Variants in COX7B2 observed in about 807,000 individuals in gnomAD.
The protein encoded by COX7B2 is cytochrome c oxidase subunit 7B2.
For synonymous variants in COX7B2, 37 were observed against 32.1 expected (o/e 1.15, Z -0.51); for missense variants, 109 against 95.9 (o/e 1.14, Z -0.57).
At chr4:46,791,863 A>T (rs1202095831) in intron 2 of COX7B2, among the ~76,000 whole-genome samples, 2 of 152,040 alleles carry the variant, frequency 1.3e-5, no homozygotes, top group Non-Finnish European at 2.9e-5. Flanking sequence ...GCACCCAATG[A>T]TGCTTACTGG....
intron 2 of COX7B2, among the ~76,000 whole-genome samples, chr4:46,754,724 G>GTATATATATATA (rs776374967): frequency 1.5e-4 from 7 of 46,806 alleles, no homozygotes; most frequent in Non-Finnish European, 2.2e-4. Context: ...GTGTGTGTGT[G>GTATATATATATA]TGTGTATATA....
At chr4:46,808,490 CCTTTT>C (rs1354384068) in intron 2 of COX7B2, among the ~76,000 whole-genome samples, 2 of 151,640 alleles carry the variant, frequency 1.3e-5, no homozygotes, top group African/African-American at 2.4e-5. Context: ...TTTACTTCTT[CCTTTT>C]AACTTAGATG....
chr4:46,830,275 G>GA (rs1416851978), intron 2 of COX7B2, among the ~76,000 whole-genome samples: 1 of 137,346 alleles, frequency 7.3e-6, no homozygotes, highest in Admixed American at 8.2e-5. Context: ...AATGAGCTGA[G>GA]ATCATGCCAC....
At chr4:46,841,243 C>A (rs1048076732) in intron 2 of COX7B2, among the ~76,000 whole-genome samples, 3 of 151,594 alleles carry the variant, frequency 2.0e-5, no homozygotes, top group Non-Finnish European at 4.4e-5. Flanking sequence ...GAAACTATTC[C>A]AATTGTTCAA....
chr4:46,736,408 C>T (rs564424857), intron 2 of COX7B2, among the ~76,000 whole-genome samples: 2 of 152,086 alleles, frequency 1.3e-5, no homozygotes, highest in African/African-American at 4.8e-5. Context: ...AGGAAGCAAT[C>T]ATGGTGAATG....
chr4:46,835,398 A>C (rs1237411952), intron 2 of COX7B2, among the ~76,000 whole-genome samples: 5 of 152,034 alleles, frequency 3.3e-5, no homozygotes, highest in Non-Finnish European at 7.4e-5. Flanking sequence ...AGAAAAAAAA[A>C]ATGCAGTAAC....
At chr4:46,744,797 C>G (rs986326275) in intron 2 of COX7B2, among the ~76,000 whole-genome samples, 2 of 138,156 alleles carry the variant, frequency 1.4e-5, no homozygotes, top group Non-Finnish European at 3.0e-5. Flanking sequence ...GGCTGTAGTG[C>G]AGTGGCGTAA....
At chr4:46,833,433 A>G (rs1054085602) in intron 2 of COX7B2, among the ~76,000 whole-genome samples, 1 of 152,218 alleles carries the variant, frequency 6.6e-6, no homozygotes, top group East Asian at 1.9e-4. Flanking sequence ...CTTAATTCCT[A>G]TGCAGAACTC....
intron 2 of COX7B2, among the ~76,000 whole-genome samples, chr4:46,817,395 GAA>G (rs1179727898): frequency 6.6e-6 from 1 of 152,148 alleles, no homozygotes. Context: ...AAGGTCAATA[GAA>G]AAGCCGGGGT....
At chr4:46,789,392 A>C (rs1717916541) in intron 2 of COX7B2, among the ~76,000 whole-genome samples, 1 of 152,176 alleles carries the variant, frequency 6.6e-6, no homozygotes, top group African/African-American at 2.4e-5. Flanking sequence ...CAACCATCAC[A>C]AAAATAATCT....
chr4:46,843,086 T>C (rs1030606058), intron 2 of COX7B2, among the ~76,000 whole-genome samples: 3 of 152,068 alleles, frequency 2.0e-5, no homozygotes, highest in African/African-American at 7.2e-5. Context: ...TTTTTAATGA[T>C]CACCATTCTA....
chr4:46,801,521 CTCA>C (rs1718656786), intron 2 of COX7B2, among the ~76,000 whole-genome samples: 1 of 152,014 alleles, frequency 6.6e-6, no homozygotes, highest in Admixed American at 6.6e-5. Context: ...AGTGAGAACA[CTCA>C]TGGACACAAA....
Position 46,878,483 on chromosome 4 carries a change from T to TTATA in COX7B2, c.-105+30673_-105+30676dup, listed in dbSNP as rs34882815. On this transcript the variant is annotated intron_variant, in intron 1 of 2. Coordinates refer to ENST00000355591, the MANE Select transcript of COX7B2 (RefSeq NM_130902.3). ...ACTACATATACATAAGTTAGCACTA[T>TTATA]TATATATATATATATATAGACACAT... Among the ~76,000 whole-genome samples the TTATA allele has an allele frequency of 4.2e-4, 62 of 149,158 alleles. No homozygotes were observed. In the East Asian group the frequency reaches 6.1e-3, roughly 15 times the overall value.
chr4:46,873,455 T>C (rs530602313), intron 1 of COX7B2, among the ~76,000 whole-genome samples: 2 of 152,294 alleles, frequency 1.3e-5, no homozygotes, highest in African/African-American at 4.8e-5. Context: ...GTAAAAGCTA[T>C]TTCTCCACAT....
At chr4:46,779,602 T>C (rs1280180781) in intron 2 of COX7B2, among the ~76,000 whole-genome samples, 1 of 152,176 alleles carries the variant, frequency 6.6e-6, no homozygotes, top group Admixed American at 6.5e-5. Flanking sequence ...AGAACCTCCA[T>C]ATTGTTTTCT....
chr4:46,844,854 TCA>T (rs1716166434), intron 2 of COX7B2, 104 bp downstream of exon 2: 1 of 152,058 alleles, frequency 6.6e-6, no homozygotes, highest in Non-Finnish European at 1.5e-5. Flanking sequence ...AAAAATGAAT[TCA>T]GTGTGAATTT....
Position 46,735,056 on chromosome 4 carries a change from C to G in COX7B2, c.137G>C (p.Gly46Ala). Residue 46 changes from glycine (G) to alanine (A), a missense_variant, in exon 3 of 3, where the codon GGA becomes GCA. Gly to Ala is a moderately conservative substitution (Grantham distance 60). Coordinates refer to ENST00000355591, the MANE Select transcript of COX7B2 (RefSeq NM_130902.3). ...DKYGNAVLAS[G>A]TAFCVATWVF... ...CCATGTAGCAACACAGAAAGCAGTT[C>G]CACTGGCTAGCACAGCATTACCATA... is the stretch of plus-strand genomic sequence containing the variant. 6.2e-7 allele frequency: 1 copy of G among 1,614,062 alleles called. No homozygotes were observed. The highest frequency in any genetic ancestry group is 1.1e-5 in the South Asian group (1 of 91,074).
chr4:46,777,541 A>C (rs1427252155), intron 2 of COX7B2, among the ~76,000 whole-genome samples: 1 of 152,186 alleles, frequency 6.6e-6, no homozygotes, highest in Non-Finnish European at 1.5e-5. Context: ...TGTTAGGATA[A>C]GTCCTTTGAC....
chr4:46,836,941 G>T (rs147434278), intron 2 of COX7B2, among the ~76,000 whole-genome samples: 1 of 152,028 alleles, frequency 6.6e-6, no homozygotes, highest in East Asian at 1.9e-4. Context: ...ATCGTTATGC[G>T]GCACATGAAT....
Sources: allele counts gnomAD v4.1 joint callset (sites outside exome capture counted in the v4.1 genomes callset), GRCh38; gene constraint gnomAD v4.1.1; transcripts MANE v1.5; gene names NCBI Gene and HGNC (gene_info 2026-07-23, HGNC 2026-07-21).